STAU1: variants seen among roughly 807,000 people sequenced by gnomAD.
STAU1 encodes staufen double-stranded RNA binding protein 1, also known as double-stranded RNA-binding protein Staufen homolog 1.
STAU1 carries 13 observed loss-of-function variants against 62.9 expected under a neutral mutation model. That is an observed-to-expected ratio of 0.21 (90% CI 0.13 to 0.33). The LOEUF (loss-of-function observed/expected upper bound fraction) is 0.33, where lower values mean the gene tolerates loss of function less well. Ranked by LOEUF, STAU1 falls within the 10% of genes least tolerant of loss-of-function variation. The pLI, the probability that STAU1 is intolerant of heterozygous loss-of-function variation, is 1.00. For missense variants in STAU1, 571 were observed against 712.1 expected, an observed-to-expected ratio of 0.80 and a Z score of 2.25; for synonymous variants, 269 against 265.1, an observed-to-expected ratio of 1.01 and a Z score of -0.14.
At chr20:49,187,773 ACCCCCCCC>A (rs748894566) in intron 1 of STAU1, among the ~76,000 whole-genome samples, 1 of 20,316 alleles carries the variant, frequency 4.9e-5, no homozygotes, top group Non-Finnish European at 1.0e-4. Context: ...TGAAGCAGGG[ACCCCCCCC>A]CCCCCCCGCC....
chr20:49,193,733 C>T, the STAU1 span, among the ~76,000 whole-genome samples: 1 of 152,138 alleles, frequency 6.6e-6, no homozygotes. Flanking sequence ...CTTTGGGAGG[C>T]CAAGGCAGGC....
chr20:49,142,396 A>AT (rs1259718421), intron 5 of STAU1, among the ~76,000 whole-genome samples: 1 of 152,208 alleles, frequency 6.6e-6, no homozygotes, highest in African/African-American at 2.4e-5. Context: ...CCAAAAAAAA[A>AT]TTTTTTTAAA....
At position 49,183,409 on chromosome 20, in the gene STAU1, TACTA is replaced by T. The variant is rs2093749846; in HGVS notation, c.-160+4703_-160+4706del. ...CAAGGCCTCTGCCTATAATCCCAGCTACTAAGGAGGCTGAGGTGGGAAGATGACT... is the reference window on the plus strand; with the variant it reads ...CAAGGCCTCTGCCTATAATCCCAGCTAGGAGGCTGAGGTGGGAAGATGACT... On this transcript the variant is annotated intron_variant, in intron 1 of 13. Transcript: ENST00000371856. 2.6e-5 allele frequency among the ~76,000 whole-genome samples: 4 copies of T among 152,256 alleles called. No individual in the cohort carries two copies. In the South Asian group the frequency reaches 8.3e-4, roughly 32 times the overall value.
intron 4 of STAU1, among the ~76,000 whole-genome samples, chr20:49,153,613 A>C (rs2093299116): frequency 6.8e-6 from 1 of 146,512 alleles, no homozygotes; most frequent in African/African-American, 2.5e-5. Context: ...CGGGAGGCTG[A>C]GACAGCCTCC....
intron 4 of STAU1, among the ~76,000 whole-genome samples, chr20:49,153,188 T>C (rs987502406): frequency 7.0e-5 from 10 of 143,588 alleles, no homozygotes; most frequent in Non-Finnish European, 1.2e-4. Flanking sequence ...AGGCAGAGCT[T>C]GCAGTGAGCC....
chr20:49,188,795 C>T (rs2093822122), upstream of STAU1, among the ~76,000 whole-genome samples: 1 of 152,204 alleles, frequency 6.6e-6, no homozygotes, highest in African/African-American at 2.4e-5. Flanking sequence ...AGGCATTGCT[C>T]CAAGAGCTAA....
At chr20:49,153,710 C>CAAAAAAAAAAAAAAAAAAAAAAAAAAAA (rs145558067) in intron 4 of STAU1, among the ~76,000 whole-genome samples, 4 of 67,610 alleles carry the variant, frequency 5.9e-5, no homozygotes, top group African/African-American at 1.9e-4. Context: ...GACTCTGTCT[C>CAAAAAAAAAAAAAAAAAAAAAAAAAAAA]AAAAAAAAAA....
At chr20:49,121,798 G>A (rs376820218) in intron 8 of STAU1, among the ~76,000 whole-genome samples, 12 of 152,156 alleles carry the variant, frequency 7.9e-5, no homozygotes, top group African/African-American at 2.4e-4. Flanking sequence ...CACCCTCCCC[G>A]AAGAAGAGCT....
rs190525258 is a variant in STAU1 at position 49,125,300 on chromosome 20, G to A, written c.610-713C>T. 1.6e-3 allele frequency among the ~76,000 whole-genome samples: 244 copies of A among 149,300 alleles called. 1 individual carries two copies. Among genetic ancestry groups the A allele is most frequent in the African/African-American group, 5.2e-3 (211 of 40,922 alleles). ...TCCCAGCAATTTGGGAGACCAAAGCGGGTGGATCACTTGAGGTCAGGAGTT... is the reference window on the plus strand; with the variant it reads ...TCCCAGCAATTTGGGAGACCAAAGCAGGTGGATCACTTGAGGTCAGGAGTT... On this transcript the variant is annotated intron_variant, in intron 6 of 13. Transcript: ENST00000371856.
intron 3 of STAU1, 106 bp downstream of exon 3, chr20:49,165,891 C>A: frequency 8.5e-7 from 1 of 1,176,536 alleles, no homozygotes; most frequent in Admixed American, 1.9e-5. Flanking sequence ...CTTTCTTTTG[C>A]TTTTTGAAGG....
At chr20:49,150,438 C>T (rs971629884) in intron 5 of STAU1, among the ~76,000 whole-genome samples, 12 of 151,910 alleles carry the variant, frequency 7.9e-5, no homozygotes, top group African/African-American at 1.9e-4. Context: ...CTCGGCTCAC[C>T]GCAAGCTCCG....
At chr20:49,210,729 A>G in the STAU1 span, among the ~76,000 whole-genome samples, 1 of 152,176 alleles carries the variant, frequency 6.6e-6, no homozygotes, top group Non-Finnish European at 1.5e-5. Context: ...CATAAATGGT[A>G]AAAATGACTT....
the STAU1 span, among the ~76,000 whole-genome samples, chr20:49,216,006 T>C: frequency 1.8e-4 from 1 of 5,598 alleles, no homozygotes; most frequent in African/African-American, 6.1e-4. Context: ...AGACTATGTC[T>C]CAAAAAAAAA....
At chr20:49,169,125 T>C (rs934333415) in intron 2 of STAU1, among the ~76,000 whole-genome samples, 2 of 152,018 alleles carry the variant, frequency 1.3e-5, no homozygotes, top group Non-Finnish European at 2.9e-5. Context: ...TAATTTTGTA[T>C]TTTTAGTAGA....
the STAU1 span, among the ~76,000 whole-genome samples, chr20:49,205,597 C>A: frequency 6.5e-4 from 99 of 151,692 alleles, no homozygotes; most frequent in African/African-American, 2.3e-3. Flanking sequence ...AACTTCTGAC[C>A]TCGTGATCCA....
In STAU1 at chr20:49,120,063, T is replaced by C. The variant is rs147064416; in HGVS notation, c.1032A>G (p.Ala344=). 1.7e-5 allele frequency: 27 copies of C among 1,614,118 alleles called. No individual in the cohort carries two copies. Among genetic ancestry groups the C allele is most frequent in the Admixed American group, 8.3e-5 (5 of 60,004 alleles). The change falls in exon 9 of 14, where the codon GCA becomes GCG. Residue 344 remains alanine, a synonymous_variant. Coordinates refer to ENST00000371856, the MANE Select transcript of STAU1 (RefSeq NM_017453.4). ...CAAGGATCTCCAGCATGTTCTCGGC[T>C]GCATTGCGCTTGGCCACCTTCTTGT... is the stretch of plus-strand genomic sequence containing the variant. ...GTNKKVAKRN[A]AENMLEILGF...
the STAU1 span, among the ~76,000 whole-genome samples, chr20:49,201,479 C>T: frequency 1.3e-5 from 2 of 152,088 alleles, no homozygotes; most frequent in Non-Finnish European, 2.9e-5. Context: ...TGGTGACTAA[C>T]GCTTGTAATC....
chr20:49,136,080 C>A (rs1174078622), intron 5 of STAU1, 149 bp from the exon 6 acceptor site: 2 of 600,686 alleles, frequency 3.3e-6, no homozygotes, highest in Non-Finnish European at 5.8e-6. Flanking sequence ...AGCAACATGG[C>A]AGTTTGAGAC....
chr20:49,139,363 C>T (rs1282931127), intron 5 of STAU1, among the ~76,000 whole-genome samples: 3 of 152,128 alleles, frequency 2.0e-5, no homozygotes, highest in Non-Finnish European at 4.4e-5. Flanking sequence ...TAAAGAACTA[C>T]AACTCAACAA....
Sources: allele counts gnomAD v4.1 joint callset (sites outside exome capture counted in the v4.1 genomes callset), GRCh38; gene constraint gnomAD v4.1.1; transcripts MANE v1.5; gene names NCBI Gene and HGNC (gene_info 2026-07-23, HGNC 2026-07-21).